EXOC4: variants seen among roughly 807,000 people sequenced by gnomAD.
EXOC4 encodes the protein exocyst complex component 4.
EXOC4 carries 71 observed loss-of-function variants against 107.2 expected under a neutral mutation model. The observed-to-expected ratio is 0.66, with a 90% CI of 0.55 to 0.81. The LOEUF is 0.81. Ranked by LOEUF, EXOC4 falls within the 30% of genes least tolerant of loss-of-function variation. EXOC4 has a pLI of 0.00. For synonymous variants in EXOC4, 456 were observed against 441.2 expected, an observed-to-expected ratio of 1.03 and a Z score of -0.42; for missense variants, 1,108 against 1,189.6, an observed-to-expected ratio of 0.93 and a Z score of 1.01.
chr7:133,979,911 T>C (rs1351799175), intron 14 of EXOC4, among the ~76,000 whole-genome samples: 1 of 152,152 alleles, frequency 6.6e-6, no homozygotes, highest in East Asian at 1.9e-4. Context: ...CTGATTTATC[T>C]CCTCCCACGC....
At chr7:133,312,325 A>T (rs187414665) in intron 4 of EXOC4, among the ~76,000 whole-genome samples, 254 of 152,312 alleles carry the variant, frequency 1.7e-3, no homozygotes, top group Non-Finnish European at 2.5e-3. Context: ...GATTGAAAGG[A>T]TAGAAACTTA....
chr7:133,925,829 A>G (rs1800037520), intron 13 of EXOC4, among the ~76,000 whole-genome samples: 1 of 152,074 alleles, frequency 6.6e-6, no homozygotes, highest in African/African-American at 2.4e-5. Flanking sequence ...CAAGGTCAGG[A>G]GTTCGAGACC....
At chr7:133,650,333 C>T (rs1022951215) in intron 10 of EXOC4, among the ~76,000 whole-genome samples, 4 of 151,838 alleles carry the variant, frequency 2.6e-5, no homozygotes, top group African/African-American at 7.3e-5. Flanking sequence ...AAAGGCTTGA[C>T]GATAAAATGC....
intron 10 of EXOC4, among the ~76,000 whole-genome samples, chr7:133,653,281 C>T (rs1472376220): frequency 6.6e-6 from 1 of 152,112 alleles, no homozygotes; most frequent in Admixed American, 6.6e-5. Flanking sequence ...TAATCCAAAA[C>T]CATAACTTAG....
chr7:133,455,085 C>T lies in EXOC4; in HGVS notation c.1183-20243C>T, dbSNP rs531650253. Among the ~76,000 whole-genome samples the T allele has an allele frequency of 2.1e-3, 319 of 151,314 alleles. 1 individual carries two copies. The highest frequency in any genetic ancestry group is 7.1e-3 in the African/African-American group (291 of 41,210). On this transcript the variant is annotated intron_variant, in intron 7 of 17. Transcript: ENST00000253861. ...GGGCAACAGAGTGAGACCCTGTCTCCAAAAAATATATATAAAATAAATAAA... is the reference window on the plus strand; with the variant it reads ...GGGCAACAGAGTGAGACCCTGTCTCTAAAAAATATATATAAAATAAATAAA...
At chr7:133,751,473 A>G (rs996591507) in intron 10 of EXOC4, among the ~76,000 whole-genome samples, 7 of 152,178 alleles carry the variant, frequency 4.6e-5, no homozygotes, top group African/African-American at 1.4e-4. Flanking sequence ...GTCAGCATGT[A>G]AGGGGGTGTT....
intron 14 of EXOC4, among the ~76,000 whole-genome samples, chr7:133,962,435 C>T (rs189621196): frequency 3.3e-5 from 5 of 152,170 alleles, no homozygotes; most frequent in Admixed American, 2.6e-4. Flanking sequence ...TACCCTTTAC[C>T]GTAGATGACA....
chr7:133,748,891 G>A lies in EXOC4; in HGVS notation c.1515-68434G>A, dbSNP rs1795732010. ...CTAGCATAGGAAACTACCCTTATCA[G>A]TCAGGGAAAGGTAAGCTCACTTCCA... On this transcript the variant is annotated intron_variant, in intron 10 of 17. Coordinates refer to ENST00000253861, the MANE Select transcript of EXOC4 (RefSeq NM_021807.4). 1.3e-5 allele frequency among the ~76,000 whole-genome samples: 2 copies of A among 152,190 alleles called. 1 individual carries two copies. The highest frequency in any genetic ancestry group is 4.8e-5 in the African/African-American group (2 of 41,440).
intron 10 of EXOC4, among the ~76,000 whole-genome samples, chr7:133,801,125 C>G (rs1796932046): frequency 6.6e-6 from 1 of 152,092 alleles, no homozygotes; most frequent in South Asian, 2.1e-4. Flanking sequence ...ACTGAGGTGC[C>G]TATTACAGGA....
intron 12 of EXOC4, among the ~76,000 whole-genome samples, chr7:133,899,020 TA>T (rs1433706789): frequency 6.6e-6 from 1 of 151,342 alleles, no homozygotes; most frequent in African/African-American, 2.4e-5. Context: ...TTAAAAAGTT[TA>T]AAATTTTTAA....
chr7:134,063,722 G>A (rs2346452), intron 17 of EXOC4, among the ~76,000 whole-genome samples: 106,062 of 152,060 alleles, frequency 0.7, 38,301 homozygotes, highest in African/African-American at 0.88. Flanking sequence ...TTACATTACT[G>A]TCACACATTA....
At chr7:133,660,943 T>A (rs1298483702) in intron 10 of EXOC4, among the ~76,000 whole-genome samples, 1 of 152,184 alleles carries the variant, frequency 6.6e-6, no homozygotes, top group African/African-American at 2.4e-5. Context: ...CATTTGATAT[T>A]TTAAAAAACC....
chr7:133,408,462 G>GTGA (rs761747026), intron 7 of EXOC4, among the ~76,000 whole-genome samples: 1 of 151,530 alleles, frequency 6.6e-6, no homozygotes, highest in Non-Finnish European at 1.5e-5. Context: ...AGAGATGATG[G>GTGA]TGATGATGAT....
intron 10 of EXOC4, among the ~76,000 whole-genome samples, chr7:133,774,859 T>TC (rs1796313479): frequency 6.6e-6 from 1 of 152,110 alleles, no homozygotes; most frequent in Non-Finnish European, 1.5e-5. Context: ...TGATTATTTT[T>TC]CCCTAAAGAC....
At chr7:133,452,163 A>T (rs539658443) in intron 7 of EXOC4, among the ~76,000 whole-genome samples, 10 of 152,280 alleles carry the variant, frequency 6.6e-5, no homozygotes, top group Admixed American at 6.5e-4. Context: ...GGAACCGAAG[A>T]CAAAATGAGA....
At chr7:133,927,083 C>T (rs766164157) in intron 13 of EXOC4, among the ~76,000 whole-genome samples, 3 of 150,184 alleles carry the variant, frequency 2.0e-5, no homozygotes, top group East Asian at 1.9e-4. Context: ...CCTCAGTAAA[C>T]GTTGAATGAA....
At chr7:133,844,113 G>A (rs1057031235) in intron 11 of EXOC4, among the ~76,000 whole-genome samples, 1 of 151,958 alleles carries the variant, frequency 6.6e-6, no homozygotes, top group Non-Finnish European at 1.5e-5. Context: ...AAGGATATTG[G>A]CCTTAAGTTT....
chr7:133,514,459 G>A (rs545530861), intron 9 of EXOC4, among the ~76,000 whole-genome samples: 1 of 152,240 alleles, frequency 6.6e-6, no homozygotes, highest in Non-Finnish European at 1.5e-5. Context: ...ACTGTGCACG[G>A]CCTGGAACAT....
intron 10 of EXOC4, among the ~76,000 whole-genome samples, chr7:133,812,725 C>A (rs1216877705): frequency 6.6e-6 from 1 of 151,962 alleles, no homozygotes; most frequent in Non-Finnish European, 1.5e-5. Flanking sequence ...TGTATTACTT[C>A]ACATATTTAT....
Sources: gnomAD v4.1 joint callset for allele counts (sites outside exome capture counted in the v4.1 genomes callset) on GRCh38, gnomAD v4.1.1 for gene constraint, MANE v1.5 for transcripts, NCBI Gene and HGNC (gene_info 2026-07-23, HGNC 2026-07-21) for gene names.